Variants in PDGFD observed in about 807,000 individuals in gnomAD.
PDGFD encodes the protein platelet derived growth factor D.
PDGFD carries 30 observed loss-of-function variants against 44.7 expected under a neutral mutation model. The ratio of observed to expected loss-of-function variants is 0.67; its 90% CI spans 0.50 to 0.91. The LOEUF is 0.91. PDGFD is among the 40% of genes least tolerant of loss of function. The probability of loss-of-function intolerance (pLI) is 0.00; values close to 1 mark genes in which losing one functional copy is unlikely to be tolerated. For missense variants in PDGFD, 445 were observed against 457.8 expected, an observed-to-expected ratio of 0.97 and a Z score of 0.25; for synonymous variants, 173 against 168.4, an observed-to-expected ratio of 1.03 and a Z score of -0.21.
chr11:103,945,213 C>G (rs1267948676), intron 4 of PDGFD, among the ~76,000 whole-genome samples: 1 of 152,070 alleles, frequency 6.6e-6, no homozygotes, highest in Non-Finnish European at 1.5e-5. Context: ...TTATATAGCT[C>G]TCATCTGGGT....
At chr11:104,035,547 C>T (rs1389569638) in intron 1 of PDGFD, among the ~76,000 whole-genome samples, 5 of 140,510 alleles carry the variant, frequency 3.6e-5, no homozygotes, top group African/African-American at 1.3e-4. Flanking sequence ...TCCTTTCCTT[C>T]CTTACTTCTT....
chr11:104,154,395 G>C (rs1862280003), intron 1 of PDGFD, among the ~76,000 whole-genome samples: 1 of 152,086 alleles, frequency 6.6e-6, no homozygotes, highest in African/African-American at 2.4e-5. Context: ...ACAAACGATG[G>C]GCAGCGTCAA....
chr11:104,041,657 G>C (rs1860355688), intron 1 of PDGFD, among the ~76,000 whole-genome samples: 1 of 152,090 alleles, frequency 6.6e-6, no homozygotes, highest in Non-Finnish European at 1.5e-5. Context: ...AAAATCACTA[G>C]TGTGATAGCC....
chr11:103,992,142 TCTG>T (rs1565304817), intron 3 of PDGFD, among the ~76,000 whole-genome samples: 4 of 152,218 alleles, frequency 2.6e-5, no homozygotes, highest in Admixed American at 6.5e-5. Flanking sequence ...TCTGAAGGTA[TCTG>T]TTATCTTTAA....
intron 1 of PDGFD, among the ~76,000 whole-genome samples, chr11:104,093,579 C>T (rs1405040888): frequency 6.6e-6 from 1 of 152,066 alleles, no homozygotes; most frequent in African/African-American, 2.4e-5. Flanking sequence ...ACACTTCCCA[C>T]AGTTTCCTTC....
At chr11:104,037,527 C>T (rs1160311267) in intron 1 of PDGFD, 2 of 1,614,092 alleles carry the variant, frequency 1.2e-6, no homozygotes, top group South Asian at 1.1e-5. Context: ...AAGAGGCCCC[C>T]GAGAGTTTTG....
chr11:104,080,300 T>C (rs998120994), intron 1 of PDGFD, among the ~76,000 whole-genome samples: 10 of 152,182 alleles, frequency 6.6e-5, no homozygotes, highest in Admixed American at 2.6e-4. Context: ...TATGTGATTA[T>C]CAACAGTAAA....
At chr11:103,991,219 A>G (rs998927187) in intron 3 of PDGFD, among the ~76,000 whole-genome samples, 3 of 152,048 alleles carry the variant, frequency 2.0e-5, no homozygotes, top group African/African-American at 7.2e-5. Flanking sequence ...CTTTTGTTTT[A>G]CCAACTGGTA....
At chr11:104,026,134 A>T (rs78196600) in intron 1 of PDGFD, among the ~76,000 whole-genome samples, 3,871 of 152,262 alleles carry the variant, frequency 0.025, 95 homozygotes, top group East Asian at 0.13. Context: ...TGAATACTGT[A>T]TCAGGAGAGG....
At chr11:103,981,867 C>T (rs1293259913) in intron 3 of PDGFD, among the ~76,000 whole-genome samples, 1 of 151,754 alleles carries the variant, frequency 6.6e-6, no homozygotes, top group Non-Finnish European at 1.5e-5. Context: ...TCAGCAGTCT[C>T]ATCAACAGAA....
At chr11:104,095,984 A>G (rs1319498105) in intron 1 of PDGFD, among the ~76,000 whole-genome samples, 4 of 152,168 alleles carry the variant, frequency 2.6e-5, no homozygotes. Flanking sequence ...ATACTCCCCC[A>G]GTGGCAAGAA....
intron 3 of PDGFD, among the ~76,000 whole-genome samples, chr11:103,955,107 TGAGCC>T (rs1858819176): frequency 8.1e-6 from 1 of 124,134 alleles, no homozygotes; most frequent in East Asian, 2.7e-4. Context: ...GAGCTTGCAG[TGAGCC>T]GAGATCCCGC....
At chr11:103,960,846 C>T (rs1745312565) in intron 3 of PDGFD, among the ~76,000 whole-genome samples, 1 of 141,376 alleles carries the variant, frequency 7.1e-6, no homozygotes, top group Non-Finnish European at 1.5e-5. Flanking sequence ...GCTGTGCCCA[C>T]ACATGGTAGA....
chr11:104,108,704 T>C (rs1861504040), intron 1 of PDGFD, among the ~76,000 whole-genome samples: 1 of 152,196 alleles, frequency 6.6e-6, no homozygotes, highest in Non-Finnish European at 1.5e-5. Flanking sequence ...TTACTGGGTA[T>C]ATACCCAAAG....
intron 3 of PDGFD, 98 bp downstream of exon 3, chr11:103,995,967 A>G (rs1490858570): frequency 1.8e-5 from 19 of 1,063,900 alleles, no homozygotes; most frequent in Non-Finnish European, 2.5e-5. Flanking sequence ...GAACTAATAA[A>G]GTTCACTCAC....
chr11:104,087,195 ATTTT>A (rs33989914), intron 1 of PDGFD, among the ~76,000 whole-genome samples: 1 of 129,106 alleles, frequency 7.7e-6, no homozygotes, highest in Non-Finnish European at 1.6e-5. Flanking sequence ...CAACTGGCTA[ATTTT>A]TTTTTTTTTT....
At chr11:103,922,822 A>G (rs1431288849) in intron 6 of PDGFD, among the ~76,000 whole-genome samples, 1 of 151,968 alleles carries the variant, frequency 6.6e-6, no homozygotes, top group Non-Finnish European at 1.5e-5. Context: ...TCAAGGGATC[A>G]TCCCACCTTG....
intron 1 of PDGFD, among the ~76,000 whole-genome samples, chr11:104,089,896 G>A (rs1279453634): frequency 6.6e-6 from 1 of 152,044 alleles, no homozygotes; most frequent in Admixed American, 6.6e-5. Context: ...AGATTCTATT[G>A]GTTGACCATT....
chr11:103,994,407 T>C (rs1859503927), intron 3 of PDGFD, among the ~76,000 whole-genome samples: 1 of 152,214 alleles, frequency 6.6e-6, no homozygotes, highest in African/African-American at 2.4e-5. Context: ...TTTTAATACT[T>C]AGCAGAACTG....
Sources: allele counts gnomAD v4.1 joint callset (sites outside exome capture counted in the v4.1 genomes callset), GRCh38; gene constraint gnomAD v4.1.1; transcripts MANE v1.5; gene names NCBI Gene and HGNC (gene_info 2026-07-23, HGNC 2026-07-21).